Variants in RTP5 observed in about 807,000 individuals in gnomAD.
RTP5 encodes receptor transporter protein 5 (putative), also known as receptor-transporting protein 5.
A neutral mutation model predicts 23.5 loss-of-function variants in RTP5; 30 were observed. The observed-to-expected ratio is 1.27, with a 90% CI of 0.95 to 1.73. The LOEUF is 1.73. RTP5 is among the 40% of genes most tolerant of loss of function. RTP5 has a pLI of 0.00. For missense variants in RTP5, 807 were observed against 784.2 expected, an observed-to-expected ratio of 1.03 and a Z score of -0.35; for synonymous variants, 354 against 342.1, an observed-to-expected ratio of 1.03 and a Z score of -0.38.
chr2:241,871,939 T>A lies in RTP5; in HGVS notation c.384T>A (p.Asp128Glu). The change falls in exon 2 of 2, where the codon GAT becomes GAA. Residue 128 changes from aspartate (D) to glutamate (E), a missense_variant. By Grantham distance (45) the Asp-to-Glu change is conservative. Transcript: ENST00000343216. Reference sequence around the variant, plus strand: ...ACATCCTGCAGGACTGCTACGGGGATGGCCCCGGCCCAGCCCGGCACCCCA... The same window carrying A: ...ACATCCTGCAGGACTGCTACGGGGAAGGCCCCGGCCCAGCCCGGCACCCCA... ...VLHILQDCYG[D>E]GPGPARHPRE... is the part of the protein sequence containing the mutation. 1 of 1,590,594 alleles carries A rather than the reference T, an allele frequency of 6.3e-7. No individual in the cohort carries two copies. The highest frequency in any genetic ancestry group is 1.3e-5 in the African/African-American group (1 of 74,784).
chr2:241,870,264 G>C (rs938301173), intron 1 of RTP5, among the ~76,000 whole-genome samples: 3 of 152,246 alleles, frequency 2.0e-5, no homozygotes, highest in African/African-American at 7.2e-5. Context: ...GTGGGCCCTG[G>C]GGCGTGCCGG....
chr2:241,872,279 G>A lies in RTP5; in HGVS notation c.724G>A (p.Gly242Ser), dbSNP rs1026502098. ...VTGSCEALVI[G>S]QGSIFLSGDS... is the part of the protein sequence containing the mutation. The stretch of plus-strand genomic sequence containing the variant: ...TGGCAGCTGTGAGGCCCTGGTCATC[G>A]GCCAGGGCTCCATCTTCCTGTCTGG... Residue 242 changes from glycine to serine, a missense_variant, in exon 2 of 2, where the codon GGC becomes AGC. Coordinates refer to ENST00000343216, the MANE Select transcript of RTP5 (RefSeq NM_173821.3). The A allele has an allele frequency of 1.3e-6, 2 of 1,599,018 alleles. No homozygotes were observed. The highest frequency in any genetic ancestry group is 2.2e-5 in the East Asian group (1 of 44,502).
intron 1 of RTP5, chr2:241,871,006 A>T (rs1416983243): frequency 2.1e-6 from 1 of 471,008 alleles, no homozygotes; most frequent in African/African-American, 2.0e-5. Flanking sequence ...CCTGAAGCTC[A>T]CAGCTGCTTG....
chr2:241,873,706 GCC>G lies in RTP5; in HGVS notation c.*433_*434del, dbSNP rs1701381870. ...GCCTCACCTCTGAGACCCCGCCCCC[GCC>G]AGCAGCTCAGCCCCTCCTGTCTCTT... On this transcript the variant is annotated 3_prime_UTR_variant, in exon 2 of 2. Transcript: ENST00000343216. 1 of 164,760 alleles carries G rather than the reference GCC, an allele frequency of 6.1e-6. No homozygotes were observed. Among genetic ancestry groups the G allele is most frequent in the African/African-American group, 3.2e-5 (1 of 31,170 alleles). The allele number at this position is 164,760 out of a possible 1,614,324, so 10.2% of individuals were successfully genotyped here.
rs77913832 is a variant in RTP5, at chr2:241,871,707, G to C, written c.159-7G>C. 0.04 allele frequency: 64,239 copies of C among 1,593,086 alleles called. 7,376 individuals are homozygous for C. In the East Asian group the frequency reaches 0.46, roughly 11 times the overall value. On this transcript the variant is annotated splice_polypyrimidine_tract_variant and splice_region_variant and intron_variant, in intron 1 of 1. Transcript: ENST00000343216. ...TGCACTCACACACACTTCTTTCCCC[G>C]CCGCAGGCTCCAGTGCGGTCACTGT... is the stretch of plus-strand genomic sequence containing the variant.
intron 1 of RTP5, among the ~76,000 whole-genome samples, chr2:241,870,156 C>T (rs1002780725): frequency 8.5e-5 from 13 of 152,188 alleles, no homozygotes; most frequent in Admixed American, 7.2e-4. Flanking sequence ...AGTTTGGTTT[C>T]CCTCACTCGG....
chr2:241,873,219 T>C lies in RTP5; in HGVS notation c.1664T>C (p.Phe555Ser). 1 of 1,605,276 alleles carries C rather than the reference T, an allele frequency of 6.2e-7. No homozygotes were observed. Among genetic ancestry groups the C allele is most frequent in the Non-Finnish European group, 8.5e-7 (1 of 1,178,764 alleles). The change falls in exon 2 of 2, where the codon TTC (phenylalanine) becomes TCC (serine). Residue 555 changes from phenylalanine (F) to serine (S), a missense_variant. Coordinates refer to ENST00000343216, the MANE Select transcript of RTP5 (RefSeq NM_173821.3). ...TGGGTGTCCATGACCGTGTGCGTCTTCTGGCTGATGTGCATGTGTCGGCTG... is the reference window on the plus strand; with the variant it reads ...TGGGTGTCCATGACCGTGTGCGTCTCCTGGCTGATGTGCATGTGTCGGCTG... ...WIWVSMTVCV[F>S]WLMCMCRLNP...
chr2:241,870,234 G>C (rs760903499), intron 1 of RTP5, among the ~76,000 whole-genome samples: 6 of 152,230 alleles, frequency 3.9e-5, no homozygotes, highest in Non-Finnish European at 8.8e-5. Flanking sequence ...CCGTGGTCTC[G>C]CAGCCATCAG....
rs753959612 is a variant in RTP5 at position 241,872,542 on chromosome 2, G to C, written c.987G>C (p.Val329=). ...GKHTPTVFYC[V]GLSASGEGSL... ...ACACGCCAACCGTGTTCTACTGTGTGGGCCTCTCGGCCAGCGGGGAGGGCT... is the reference window on the plus strand; with the variant it reads ...ACACGCCAACCGTGTTCTACTGTGTCGGCCTCTCGGCCAGCGGGGAGGGCT... Residue 329 remains valine, a synonymous_variant, in exon 2 of 2, where the codon GTG becomes GTC. Transcript: ENST00000343216. 1 of 1,561,902 alleles carries C rather than the reference G, an allele frequency of 6.4e-7. No homozygotes were observed. The highest frequency in any genetic ancestry group is 8.7e-7 in the Non-Finnish European group (1 of 1,153,954).
Position 241,873,079 on chromosome 2 carries a change from G to A in RTP5, c.1524G>A (p.Arg508=). The change falls in exon 2 of 2, where the codon AGG becomes AGA. Residue 508 remains arginine (R), a synonymous_variant. Coordinates refer to ENST00000343216, the MANE Select transcript of RTP5 (RefSeq NM_173821.3). ...GCFSQGYYQK[R]QLRSRFHKAR... is the part of the protein sequence containing the mutation. ...TCTCCCAAGGCTATTACCAGAAGAG[G>A]CAGCTGAGGTCCAGGTTCCACAAGG... 6.2e-7 allele frequency: 1 copy of A among 1,612,924 alleles called. No individual in the cohort carries two copies.
At position 241,869,814 on chromosome 2, in the gene RTP5, A is replaced by G; in HGVS notation, c.58A>G (p.Arg20Gly). The change falls in exon 1 of 2, where the codon AGG becomes GGG. Residue 20 changes from arginine to glycine, a missense_variant. Transcript: ENST00000343216. ...ASTFTLAMAE[R>G]KPQDVWVLLP... ...CACCTTCACCCTGGCCATGGCCGAGAGGAAGCCCCAGGACGTCTGGGTTCT... is the reference window on the plus strand; with the variant it reads ...CACCTTCACCCTGGCCATGGCCGAGGGGAAGCCCCAGGACGTCTGGGTTCT... 6.4e-7 allele frequency: 1 copy of G among 1,560,272 alleles called. No individual in the cohort carries two copies. Among genetic ancestry groups the G allele is most frequent in the Non-Finnish European group, 8.7e-7 (1 of 1,154,510 alleles).
intron 1 of RTP5, among the ~76,000 whole-genome samples, chr2:241,870,453 C>T (rs751092897): frequency 8.5e-5 from 13 of 152,380 alleles, no homozygotes; most frequent in Middle Eastern, 3.4e-3. Flanking sequence ...ATCCACAGCT[C>T]GGCCGGGTGC....
intron 1 of RTP5, among the ~76,000 whole-genome samples, chr2:241,871,365 A>G (rs960456657): frequency 5.9e-5 from 9 of 152,268 alleles, no homozygotes; most frequent in Admixed American, 3.9e-4. Flanking sequence ...CACGGAGGCC[A>G]GGCTGGAGCG....
Position 241,872,466 on chromosome 2 carries a change from AGGGCT to A in RTP5, c.915_919del (p.Trp306ProfsTer57). 1.3e-6 allele frequency: 2 copies of A among 1,599,112 alleles called. No homozygotes were observed. The highest frequency in any genetic ancestry group is 1.7e-6 in the Non-Finnish European group (2 of 1,174,868). On this transcript the variant is annotated frameshift_variant, in exon 2 of 2. Coordinates refer to ENST00000343216, the MANE Select transcript of RTP5 (RefSeq NM_173821.3). LOFTEE classifies it high-confidence loss of function. ...CTCTGCAGCCCGGTTGGCGTGGCCC[AGGGCT>A]GGGGCCCCATCTCCCTCAACAATGG...
At position 241,873,361 on chromosome 2, in the gene RTP5, C is replaced by A; in HGVS notation, c.*87C>A. ...AACCCCGCCTTTGAGATGCCCGCCC[C>A]GCCTCCGAGACCCCGCCTCCACCTC... On this transcript the variant is annotated 3_prime_UTR_variant, in exon 2 of 2. Coordinates refer to ENST00000343216, the MANE Select transcript of RTP5 (RefSeq NM_173821.3). 1.4e-6 allele frequency: 2 copies of A among 1,426,772 alleles called. No individual in the cohort carries two copies. Among genetic ancestry groups the A allele is most frequent in the East Asian group, 2.4e-5 (1 of 42,308 alleles). 88.4% of individuals were successfully genotyped at this position (1,426,772 alleles called of 1,614,324 possible). A position where few individuals can be genotyped will look rare whatever the true frequency, so the allele number is the denominator to read the frequency against.
At chr2:241,870,498 C>T (rs1043395578) in intron 1 of RTP5, among the ~76,000 whole-genome samples, 10 of 152,374 alleles carry the variant, frequency 6.6e-5, no homozygotes, top group African/African-American at 1.7e-4. Context: ...TCCACATCCT[C>T]GCAGATGCCC....
rs1473450481 is a variant in RTP5 at position 241,871,856 on chromosome 2, G to A, written c.301G>A (p.Gly101Arg). ...GQRCRLCPAP[G>R]DCQVRPPGEQ... ...GCGGTGCAGGCTGTGCCCCGCACCC[G>A]GGGACTGCCAGGTGAGGCCCCCGGG... Residue 101 changes from glycine (G) to arginine (R), a missense_variant, in exon 2 of 2, where the codon GGG (glycine) becomes AGG (arginine). Coordinates refer to ENST00000343216, the MANE Select transcript of RTP5 (RefSeq NM_173821.3). 11 of 1,549,070 alleles carry A rather than the reference G, an allele frequency of 7.1e-6. No individual in the cohort carries two copies. The highest frequency in any genetic ancestry group is 1.4e-5 in the African/African-American group (1 of 73,546).
intron 1 of RTP5, chr2:241,871,187 G>A (rs1389258470): frequency 1.5e-5 from 6 of 406,488 alleles, no homozygotes; most frequent in South Asian, 7.3e-5. Context: ...CTCCTGGATC[G>A]CCTCCTCTCA....
Position 241,869,744 on chromosome 2 carries a change from G to A in RTP5, c.-13G>A, listed in dbSNP as rs1223327004. 2.6e-6 allele frequency: 4 copies of A among 1,509,510 alleles called. No individual in the cohort carries two copies. Among genetic ancestry groups the A allele is most frequent in the East Asian group, 5.2e-5 (2 of 38,184 alleles). 93.5% of individuals were successfully genotyped at this position (1,509,510 alleles called of 1,614,324 possible). On this transcript the variant is annotated 5_prime_UTR_variant, in exon 1 of 2. Transcript: ENST00000343216. ...CGCAGCCCTCAGCCCACACTGCGGA[G>A]CCAGGCGGCAGCATGGACCGGGCTG...
Sources: allele counts gnomAD v4.1 joint callset (sites outside exome capture counted in the v4.1 genomes callset), GRCh38; gene constraint gnomAD v4.1.1; transcripts MANE v1.5; gene names NCBI Gene and HGNC (gene_info 2026-07-23, HGNC 2026-07-21).